The following PHC2 variants were observed in gnomAD, a reference collection of about 807,000 sequenced individuals.
The protein encoded by PHC2 is polyhomeotic-like protein 2.
A neutral mutation model predicts 87.4 loss-of-function variants in PHC2; 29 were observed. That is an observed-to-expected ratio of 0.33 (90% CI 0.25 to 0.45). The LOEUF (loss-of-function observed/expected upper bound fraction) is 0.45, where lower values mean the gene tolerates loss of function less well. Ranked by LOEUF, PHC2 falls within the 20% of genes least tolerant of loss-of-function variation. The probability of loss-of-function intolerance (pLI) is 1.00; values close to 1 mark genes in which losing one functional copy is unlikely to be tolerated. For missense variants in PHC2, 857 were observed against 1,136.7 expected, an observed-to-expected ratio of 0.75 and a Z score of 3.54; for synonymous variants, 438 against 461.7, an observed-to-expected ratio of 0.95 and a Z score of 0.66.
At chr1:33,326,652 G>A (rs1646377446) in intron 14 of PHC2, among the ~76,000 whole-genome samples, 1 of 152,306 alleles carries the variant, frequency 6.6e-6, no homozygotes, top group South Asian at 2.1e-4. Context: ...CTGAATTACT[G>A]ATTTTAAGAG....
chr1:33,412,941 G>A (rs915845246), intron 1 of PHC2, among the ~76,000 whole-genome samples: 65 of 146,234 alleles, frequency 4.4e-4, no homozygotes, highest in Non-Finnish European at 1.2e-4. Flanking sequence ...CTTACATATG[G>A]ACTTGTTTTT....
intron 1 of PHC2, among the ~76,000 whole-genome samples, chr1:33,402,461 T>G (rs1356161088): frequency 2.0e-5 from 3 of 152,180 alleles, no homozygotes; most frequent in Non-Finnish European, 4.4e-5. Flanking sequence ...AGAAAAACTC[T>G]TGCACATATT....
intron 9 of PHC2, chr1:33,346,450 C>A: frequency 1.0e-6 from 1 of 984,426 alleles, no homozygotes; most frequent in African/African-American, 1.7e-5. Flanking sequence ...TTTCCCTACT[C>A]TCGTCTCCAG....
intron 1 of PHC2, among the ~76,000 whole-genome samples, chr1:33,423,854 T>C (rs1305284090): frequency 6.6e-6 from 1 of 152,050 alleles, no homozygotes; most frequent in Non-Finnish European, 1.5e-5. Context: ...ATCCCAGCAC[T>C]ATGGGAGGCC....
At chr1:33,406,877 T>C (rs1649785461) in intron 1 of PHC2, among the ~76,000 whole-genome samples, 1 of 115,182 alleles carries the variant, frequency 8.7e-6, no homozygotes, top group Non-Finnish European at 1.7e-5. Flanking sequence ...AAACTCTCTT[T>C]CCTTATCTTC....
chr1:33,342,561 G>T (rs1432314946), intron 9 of PHC2, among the ~76,000 whole-genome samples: 2 of 150,894 alleles, frequency 1.3e-5, no homozygotes, highest in Non-Finnish European at 3.0e-5. Context: ...AGCAGTGGGG[G>T]ATTTCCAAAC....
chr1:33,328,494 G>C (rs975251405), intron 14 of PHC2, among the ~76,000 whole-genome samples: 11 of 150,072 alleles, frequency 7.3e-5, no homozygotes, highest in Admixed American at 1.3e-4. Flanking sequence ...GGGACTATAG[G>C]TGTGAGCCAC....
At chr1:33,393,405 T>G (rs1649155442) in intron 1 of PHC2, among the ~76,000 whole-genome samples, 2 of 151,520 alleles carry the variant, frequency 1.3e-5, no homozygotes, top group Admixed American at 1.3e-4. Flanking sequence ...AATCCTCATT[T>G]AAATGGTTGA....
At chr1:33,335,998 T>TGTTGTTG (rs35270760) in intron 9 of PHC2, among the ~76,000 whole-genome samples, 2,046 of 148,078 alleles carry the variant, frequency 0.014, 27 homozygotes, top group Middle Eastern at 0.024. Flanking sequence ...TTGTTGTTGT[T>TGTTGTTG]TTTTTTTTTA....
At chr1:33,417,100 G>T (rs183092217) in intron 1 of PHC2, among the ~76,000 whole-genome samples, 22 of 152,012 alleles carry the variant, frequency 1.4e-4, no homozygotes, top group Admixed American at 1.4e-3. Flanking sequence ...TTATAAACAG[G>T]AGGACAAATA....
At chr1:33,339,211 C>T (rs1646697500) in intron 9 of PHC2, among the ~76,000 whole-genome samples, 1 of 152,142 alleles carries the variant, frequency 6.6e-6, no homozygotes, top group African/African-American at 2.4e-5. Flanking sequence ...ACCCCATGTC[C>T]AAAATATGAC....
chr1:33,361,119 G>C (rs1227646624), intron 7 of PHC2, among the ~76,000 whole-genome samples: 1 of 152,208 alleles, frequency 6.6e-6, no homozygotes, highest in Admixed American at 6.5e-5. Context: ...AAAGGGGTAG[G>C]AGTGGGAGAG....
At chr1:33,404,745 C>A (rs1371388493) in intron 1 of PHC2, among the ~76,000 whole-genome samples, 3 of 152,182 alleles carry the variant, frequency 2.0e-5, no homozygotes, top group Admixed American at 6.5e-5. Context: ...GAGTGGGGAG[C>A]AAACAATTAT....
rs771506931 is a variant in PHC2, at chr1:33,330,216, CAGGG to C, written c.2007-8_2007-5del. 22 of 1,613,910 alleles carry C rather than the reference CAGGG, an allele frequency of 1.4e-5. No homozygotes were observed. In the African/African-American group the frequency reaches 2.7e-4, roughly 20 times the overall value. On this transcript the variant is annotated splice_polypyrimidine_tract_variant and splice_region_variant and intron_variant, in intron 12 of 14. Coordinates refer to ENST00000683057, the MANE Select transcript of PHC2 (RefSeq NM_001385109.1). ...TTTGGTGCATCCCACGTTGTACCTT[CAGGG>C]ACAGGGGAACAGGGGATGTCACAGT...
rs116179734 is a variant in PHC2, at chr1:33,423,432, G to T, written c.-55+7544C>A. Among the ~76,000 whole-genome samples the T allele has an allele frequency of 4.5e-3, 684 of 152,220 alleles. 7 individuals carry two copies. The highest frequency in any genetic ancestry group is 0.016 in the African/African-American group (645 of 41,536). ...ACAGCTAAAATAAGAAGGATCTCAT[G>T]ATTTTAGCCATCAAGGAGACGGATG... On this transcript the variant is annotated intron_variant, in intron 1 of 14. Coordinates refer to ENST00000683057, the MANE Select transcript of PHC2 (RefSeq NM_001385109.1).
chr1:33,340,731 C>T (rs577121584), intron 9 of PHC2, among the ~76,000 whole-genome samples: 4 of 152,110 alleles, frequency 2.6e-5, no homozygotes, highest in South Asian at 4.1e-4. Context: ...GAGGGAGTTG[C>T]GGGGAGGAGG....
rs1647775558 is a variant in PHC2 at position 33,370,719 on chromosome 1, G to A, written c.412-134C>T. 2.3e-5 allele frequency: 20 copies of A among 875,176 alleles called. No homozygotes were observed. In the South Asian group the frequency reaches 2.7e-4, roughly 12 times the overall value. The allele number at this position is 875,176 out of a possible 1,614,324, so 54.2% of individuals were successfully genotyped here. ...TCCTTCAGGAACGTCTGTGGTCCTT[G>A]GCTTTGGAGCAATCCCCCAGCCCTG... On this transcript the variant is annotated intron_variant, in intron 4 of 14. Transcript: ENST00000683057.
At position 33,332,366 on chromosome 1, in the gene PHC2, C is replaced by T. The variant is rs748229003; in HGVS notation, c.1800G>A (p.Lys600=). The change falls in exon 11 of 15, where the codon AAG becomes AAA. Residue 600 remains lysine (K), a synonymous_variant. Coordinates refer to ENST00000683057, the MANE Select transcript of PHC2 (RefSeq NM_001385109.1). The surrounding 1 kb of genome is among the most constrained non-coding windows in gnomAD (Gnocchi z 4.2). ...RSSLLVGNLK[K]KYAQGFLPEK... is the part of the protein sequence containing the mutation. Reference sequence around the variant, plus strand: ...CAGGCAGGAACCCCTGTGCATACTTCTTCTTGAGATTCCCCACCAGCAGGG... The same window carrying T: ...CAGGCAGGAACCCCTGTGCATACTTTTTCTTGAGATTCCCCACCAGCAGGG... 12 of 1,614,052 alleles carry T rather than the reference C, an allele frequency of 7.4e-6. No homozygotes were observed. The highest frequency in any genetic ancestry group is 1.0e-5 in the Non-Finnish European group (12 of 1,180,030).
chr1:33,332,458 G>C lies in PHC2; in HGVS notation c.1762-54C>G, dbSNP rs1004051101. ...AGGGTCAGGTGGGAGCGGCTTCCTT[G>C]CTATCCATCCTCATCACAATTACAC... On this transcript the variant is annotated intron_variant, in intron 10 of 14. Transcript: ENST00000683057. The surrounding 1 kb of genome is among the most constrained non-coding windows in gnomAD (Gnocchi z 4.2). The C allele has an allele frequency of 6.2e-7, 1 of 1,607,264 alleles. No individual in the cohort carries two copies. The highest frequency in any genetic ancestry group is 8.5e-7 in the Non-Finnish European group (1 of 1,174,528).
Sources: allele counts gnomAD v4.1 joint callset (sites outside exome capture counted in the v4.1 genomes callset), GRCh38; gene constraint gnomAD v4.1.1; non-coding constraint Gnocchi (gnomAD v3.1); transcripts MANE v1.5; gene names NCBI Gene and HGNC (gene_info 2026-07-23, HGNC 2026-07-21).